The following COBL variants were observed in gnomAD, a reference collection of about 807,000 sequenced individuals.
The protein encoded by COBL is cordon-bleu WH2 repeat protein, also known as protein cordon-bleu.
In COBL, 51 loss-of-function variants were observed where a neutral mutation model predicts 98.8. The observed-to-expected ratio is 0.52, with a 90% CI of 0.41 to 0.65. The LOEUF (loss-of-function observed/expected upper bound fraction) is 0.65, where lower values mean the gene tolerates loss of function less well. COBL is among the 30% of genes least tolerant of loss of function. COBL has a pLI of 0.00. For missense variants in COBL, 1,617 were observed against 1,617.5 expected (o/e 1.00, Z 0.01); for synonymous variants, 634 against 651.7 (o/e 0.97, Z 0.41).
intron 7 of COBL, among the ~76,000 whole-genome samples, chr7:51,054,758 C>T (rs1790570118): frequency 6.6e-6 from 1 of 152,194 alleles, no homozygotes; most frequent in African/African-American, 2.4e-5. Context: ...CAAAGCTTGG[C>T]TACGCATTTA....
intron 1 of COBL, among the ~76,000 whole-genome samples, chr7:51,307,881 G>C (rs1040440616): frequency 6.6e-6 from 1 of 152,160 alleles, no homozygotes; most frequent in African/African-American, 2.4e-5. Flanking sequence ...AAATCCAATT[G>C]GGTGGCTTGG....
intron 3 of COBL, among the ~76,000 whole-genome samples, chr7:51,192,542 G>A (rs1790214979): frequency 1.3e-5 from 2 of 152,124 alleles, no homozygotes; most frequent in Non-Finnish European, 2.9e-5. Context: ...GGAGGCAGAG[G>A]TAGCAGTGAG....
In COBL at chr7:51,017,193, C is replaced by G. The variant is rs10251388; in HGVS notation, c.*358G>C. On this transcript the variant is annotated 3_prime_UTR_variant, in exon 13 of 13. Transcript: ENST00000265136. ...TGTATGTGGTAAAAGTCTCAAAGGT[C>G]CAAAATCAGTCTAAGGCATGATTCT... 1,934 of 496,052 alleles carry G rather than the reference C, an allele frequency of 3.9e-3. 29 individuals are homozygous for G. The highest frequency in any genetic ancestry group is 0.034 in the African/African-American group (1,768 of 51,542). The allele number at this position is 496,052 out of a possible 1,614,324, so 30.7% of individuals were successfully genotyped here.
chr7:51,126,856 C>T (rs1798258801), intron 6 of COBL, among the ~76,000 whole-genome samples: 1 of 152,108 alleles, frequency 6.6e-6, no homozygotes, highest in Non-Finnish European at 1.5e-5. Flanking sequence ...CAAGGTGCTC[C>T]CCCTCTTCAG....
chr7:51,271,461 G>A lies in COBL; in HGVS notation c.41+45132C>T, dbSNP rs142625558. 6.3e-3 allele frequency among the ~76,000 whole-genome samples: 957 copies of A among 152,246 alleles called. 14 individuals are homozygous for A. Among genetic ancestry groups the A allele is most frequent in the African/African-American group, 0.022 (899 of 41,524 alleles). On this transcript the variant is annotated intron_variant, in intron 1 of 12. Coordinates refer to ENST00000265136, the MANE Select transcript of COBL (RefSeq NM_015198.5). ...TTCTCACCAGGAGGCAACTACTTACGTCAGTCACGGTTAACTGCTTTAATC... is the reference window on the plus strand; with the variant it reads ...TTCTCACCAGGAGGCAACTACTTACATCAGTCACGGTTAACTGCTTTAATC...
chr7:51,178,180 CTA>C (rs557877738), intron 5 of COBL, among the ~76,000 whole-genome samples: 25 of 148,410 alleles, frequency 1.7e-4, no homozygotes, highest in South Asian at 2.1e-4. Flanking sequence ...CTCTCTCTCT[CTA>C]TATATATATA....
rs150047587 is a variant in COBL, at chr7:51,241,468, T to C, written c.42-21524A>G. ...CCCTCGGAAGGCCTGGGTGCTCCCC[T>C]GTGCAGATCCCATTAAGAAACCAAT... On this transcript the variant is annotated intron_variant, in intron 1 of 12. Transcript: ENST00000265136. Among the ~76,000 whole-genome samples the C allele has an allele frequency of 4.8e-3, 732 of 152,318 alleles. 4 individuals are homozygous for C. The highest frequency in any genetic ancestry group is 7.3e-3 in the Non-Finnish European group (499 of 68,026).
At chr7:51,230,454 TC>T (rs1794637063) in intron 1 of COBL, among the ~76,000 whole-genome samples, 1 of 152,128 alleles carries the variant, frequency 6.6e-6, no homozygotes, top group South Asian at 2.1e-4. Context: ...TTTACCCCGT[TC>T]CTGCTCCACT....
chr7:51,188,387 G>T (rs767338388), intron 4 of COBL, among the ~76,000 whole-genome samples: 36 of 152,368 alleles, frequency 2.4e-4, no homozygotes, highest in Non-Finnish European at 4.6e-4. Context: ...GGCGGTTGTA[G>T]GGGAGAAAGG....
chr7:51,157,829 TCA>T (rs1786340838), intron 5 of COBL, among the ~76,000 whole-genome samples: 2 of 152,198 alleles, frequency 1.3e-5, no homozygotes, highest in Non-Finnish European at 2.9e-5. Context: ...GTATGTGAGG[TCA>T]TGGATATGGT....
rs753829008 is a variant in COBL at position 51,085,196 on chromosome 7, C to T, written c.1066G>A (p.Asp356Asn). 1.2e-6 allele frequency: 2 copies of T among 1,613,992 alleles called. No homozygotes were observed. Among genetic ancestry groups the T allele is most frequent in the South Asian group, 1.1e-5 (1 of 91,044 alleles). Residue 356 changes from aspartate (D) to asparagine (N), a missense_variant, in exon 7 of 13, where the codon GAT (aspartate) becomes AAT (asparagine). By Grantham distance (23) the Asp-to-Asn change is conservative. Transcript: ENST00000265136. ...GTGCTCTTCCTGTTCTCCTCCTTATCCTCAGTGCGGTTGGGGATCAGGGGA... is the reference window on the plus strand; with the variant it reads ...GTGCTCTTCCTGTTCTCCTCCTTATTCTCAGTGCGGTTGGGGATCAGGGGA... Reference protein sequence around the residue: ...PSPLIPNRTEDKEENRKSTMV... With the variant: ...PSPLIPNRTENKEENRKSTMV...
intron 6 of COBL, among the ~76,000 whole-genome samples, chr7:51,107,092 G>GT (rs1160414563): frequency 0.064 from 4,070 of 63,332 alleles, 180 homozygotes; most frequent in African/African-American, 0.13. Context: ...TAGTTTGTTT[G>GT]TTTTTTTTTT....
chr7:51,255,880 C>T (rs559516572), intron 1 of COBL, among the ~76,000 whole-genome samples: 76 of 152,252 alleles, frequency 5.0e-4, no homozygotes, highest in African/African-American at 1.8e-3. Context: ...CAGCCCAGCC[C>T]CTGCTTTGTC....
intron 5 of COBL, among the ~76,000 whole-genome samples, chr7:51,166,518 C>G (rs989352430): frequency 1.3e-5 from 2 of 152,010 alleles, no homozygotes; most frequent in Admixed American, 6.5e-5. Flanking sequence ...TAAATTCTCC[C>G]AAACATTTAA....
Position 51,028,413 on chromosome 7 carries a change from C to G in COBL, c.2683G>C (p.Gly895Arg), listed in dbSNP as rs1231016375. Reference sequence around the variant, plus strand: ...AGCACTGGCGCCTTGCCTGCATAACCCTTCTCGGCATAACCGTGTGGCCTC... The same window carrying G: ...AGCACTGGCGCCTTGCCTGCATAACGCTTCTCGGCATAACCGTGTGGCCTC... ...VVRPHGYAEK[G>R]YAGKAPVLAA... The change falls in exon 10 of 13, where the codon GGT (glycine) becomes CGT (arginine). Residue 895 changes from glycine to arginine, a missense_variant. Physicochemically the swap from Gly to Arg is moderately radical, Grantham distance 125 (BLOSUM62 -2). Transcript: ENST00000265136. 4 of 1,614,132 alleles carry G rather than the reference C, an allele frequency of 2.5e-6. No individual in the cohort carries two copies. In the African/African-American group the frequency reaches 4.0e-5, roughly 16 times the overall value.
intron 1 of COBL, among the ~76,000 whole-genome samples, chr7:51,311,251 C>T (rs886348039): frequency 1.3e-5 from 2 of 152,192 alleles, no homozygotes; most frequent in African/African-American, 2.4e-5. Flanking sequence ...GGGAGCAGCT[C>T]GCCACCTGAT....
chr7:51,230,156 C>T (rs1023937914), intron 1 of COBL, among the ~76,000 whole-genome samples: 1 of 152,180 alleles, frequency 6.6e-6, no homozygotes, highest in Non-Finnish European at 1.5e-5. Context: ...CCATCAGACA[C>T]ACACCTCCTC....
chr7:51,178,467 G>A (rs563215157), intron 5 of COBL, among the ~76,000 whole-genome samples: 1 of 152,142 alleles, frequency 6.6e-6, no homozygotes, highest in South Asian at 2.1e-4. Flanking sequence ...TTAATACAAA[G>A]GCAAAACTTG....
chr7:51,181,236 A>G (rs1308370314), intron 5 of COBL, among the ~76,000 whole-genome samples: 1 of 152,228 alleles, frequency 6.6e-6, no homozygotes, highest in African/African-American at 2.4e-5. Flanking sequence ...AAAGAGGGAA[A>G]TGAAATAAAT....
Sources: gnomAD v4.1 joint callset for allele counts (sites outside exome capture counted in the v4.1 genomes callset) on GRCh38, gnomAD v4.1.1 for gene constraint, MANE v1.5 for transcripts, NCBI Gene and HGNC (gene_info 2026-07-23, HGNC 2026-07-21) for gene names.